The following RXFP1 variants were observed in gnomAD, a reference collection of about 807,000 sequenced individuals.
The protein encoded by RXFP1 is relaxin family peptide receptor 1.
RXFP1 carries 73 observed loss-of-function variants against 89.8 expected under a neutral mutation model. The observed-to-expected ratio is 0.81, with a 90% CI of 0.67 to 0.99. The LOEUF (loss-of-function observed/expected upper bound fraction) is 0.99, where lower values mean the gene tolerates loss of function less well. RXFP1 is among the 50% of genes least tolerant of loss of function. The pLI, the probability that RXFP1 is intolerant of heterozygous loss-of-function variation, is 0.00. For synonymous variants in RXFP1, 277 were observed against 305.5 expected (o/e 0.91, Z 0.97); for missense variants, 793 against 895.5 (o/e 0.89, Z 1.46).
chr4:158,561,442 G>A (rs1300049451), intron 1 of RXFP1, among the ~76,000 whole-genome samples: 1 of 151,822 alleles, frequency 6.6e-6, no homozygotes, highest in Non-Finnish European at 1.5e-5. Context: ...TTACTATCAG[G>A]CCATGTGTAT....
At chr4:158,546,615 G>A (rs868031803) in intron 1 of RXFP1, among the ~76,000 whole-genome samples, 1 of 152,140 alleles carries the variant, frequency 6.6e-6, no homozygotes, top group Admixed American at 6.5e-5. Flanking sequence ...ATTATTTTGA[G>A]ATACATCCCA....
intron 2 of RXFP1, among the ~76,000 whole-genome samples, chr4:158,588,767 T>G (rs1380862814): frequency 6.6e-6 from 1 of 152,234 alleles, no homozygotes; most frequent in Non-Finnish European, 1.5e-5. Flanking sequence ...ACAGGTTCCT[T>G]GCAGTTGTAC....
At chr4:158,531,994 C>T (rs1744166380) in intron 1 of RXFP1, among the ~76,000 whole-genome samples, 1 of 152,096 alleles carries the variant, frequency 6.6e-6, no homozygotes, top group African/African-American at 2.4e-5. Flanking sequence ...ATGGGTATAT[C>T]GTGTGATGCT....
rs375245856 is a variant in RXFP1 at position 158,599,331 on chromosome 4, G to C, written c.292G>C (p.Gly98Arg). 6.2e-7 allele frequency: 1 copy of C among 1,613,684 alleles called. No homozygotes were observed. The highest frequency in any genetic ancestry group is 8.5e-7 in the Non-Finnish European group (1 of 1,179,850). The stretch of plus-strand genomic sequence containing the variant: ...ACCACTTCCCCTTGATTCAGTGGTC[G>C]GTTCTGTGCCAGTGCAATGTCTTTG... ...FEAETPECLV[G>R]SVPVQCLCQG... Residue 98 changes from glycine (G) to arginine (R), a missense_variant, in exon 4 of 18, where the codon GGT becomes CGT. Transcript: ENST00000307765.
At chr4:158,545,521 G>T (rs1253395189) in intron 1 of RXFP1, among the ~76,000 whole-genome samples, 19 of 152,090 alleles carry the variant, frequency 1.2e-4, no homozygotes, top group Non-Finnish European at 2.1e-4. Context: ...TGAAGTCCTT[G>T]CCCATGCCTA....
chr4:158,607,738 A>G (rs1424220077), intron 5 of RXFP1, among the ~76,000 whole-genome samples: 1 of 152,266 alleles, frequency 6.6e-6, no homozygotes, highest in African/African-American at 2.4e-5. Flanking sequence ...ATCTGGCTTC[A>G]CTAAATTATT....
At chr4:158,589,124 A>C (rs1758868027) in intron 2 of RXFP1, among the ~76,000 whole-genome samples, 1 of 152,170 alleles carries the variant, frequency 6.6e-6, no homozygotes, top group African/African-American at 2.4e-5. Context: ...AGTGCCAAAC[A>C]AAGGGAGAAG....
At position 158,607,990 on chromosome 4, in the gene RXFP1, G is replaced by C; in HGVS notation, c.483G>C (p.Lys161Asn). 1 of 1,605,490 alleles carries C rather than the reference G, an allele frequency of 6.2e-7. No homozygotes were observed. The stretch of plus-strand genomic sequence containing the variant: ...TTCACAGGTACCTGCAAAACAATAA[G>C]ATTACATCCATCTCCATCTATGCTT... ...DLQKLYLQNN[K>N]ITSISIYAFR... Residue 161 changes from lysine (K) to asparagine (N), a missense_variant, in exon 6 of 18, where the codon AAG (lysine) becomes AAC (asparagine). Transcript: ENST00000307765.
At chr4:158,644,597 TACGATA>T (rs1365299426) in intron 14 of RXFP1, among the ~76,000 whole-genome samples, 1 of 152,130 alleles carries the variant, frequency 6.6e-6, no homozygotes, top group African/African-American at 2.4e-5. Context: ...CCATTGCGAG[TACGATA>T]ACGGTTTCTC....
chr4:158,651,637 A>G lies in RXFP1; in HGVS notation c.1976-120A>G, dbSNP rs1772749726. 6 of 666,942 alleles carry G rather than the reference A, an allele frequency of 9.0e-6. No individual in the cohort carries two copies. The South Asian group carries it at 9.1e-5, about 10-fold the overall frequency. The allele number at this position is 666,942 out of a possible 1,614,324, so 41.3% of individuals were successfully genotyped here. A position where few individuals can be genotyped will look rare whatever the true frequency, so the allele number is the denominator to read the frequency against. On this transcript the variant is annotated intron_variant, in intron 17 of 17. Coordinates refer to ENST00000307765, the MANE Select transcript of RXFP1 (RefSeq NM_021634.4). ...TATAGACTTGGTATTTAATTATGTG[A>G]CATCAAAGGAAAAAAATCAAAACTC...
rs565168407 is a variant in RXFP1, at chr4:158,600,834, A to G, written c.392+1403A>G. 8.8e-3 allele frequency among the ~76,000 whole-genome samples: 1,335 copies of G among 152,186 alleles called. 15 individuals are homozygous for G. The highest frequency in any genetic ancestry group is 0.03 in the African/African-American group (1,226 of 41,532). ...AAAGTGAGACCCTGCCTCAAAAAAAAAAAAGAATTTATGATTTCATTCTAT... is the reference window on the plus strand; with the variant it reads ...AAAGTGAGACCCTGCCTCAAAAAAAGAAAAGAATTTATGATTTCATTCTAT... On this transcript the variant is annotated intron_variant, in intron 4 of 17. Coordinates refer to ENST00000307765, the MANE Select transcript of RXFP1 (RefSeq NM_021634.4).
intron 2 of RXFP1, among the ~76,000 whole-genome samples, chr4:158,573,636 A>G (rs938802896): frequency 2.6e-5 from 4 of 152,142 alleles, no homozygotes; most frequent in African/African-American, 9.7e-5. Flanking sequence ...CTGCCCAAGT[A>G]AGGTGTTAGA....
Position 158,529,603 on chromosome 4 carries a change from T to C in RXFP1, c.49+7578T>C, listed in dbSNP as rs529890347. The stretch of plus-strand genomic sequence containing the variant: ...TGCTACATGCTTGGGTTTGTCCTCC[T>C]TTGCTTCTTTCCCAGATTGTCTATT... On this transcript the variant is annotated intron_variant, in intron 1 of 17. Transcript: ENST00000307765. Among the ~76,000 whole-genome samples, 3 of 152,242 alleles carry C rather than the reference T, an allele frequency of 2.0e-5. No individual in the cohort carries two copies. In the East Asian group the frequency reaches 5.8e-4, roughly 29 times the overall value.
intron 15 of RXFP1, among the ~76,000 whole-genome samples, chr4:158,645,347 T>C (rs562933536): frequency 1.2e-4 from 19 of 152,346 alleles, no homozygotes; most frequent in African/African-American, 4.3e-4. Flanking sequence ...TTTAATCACC[T>C]TATGCAAATT....
At chr4:158,594,331 C>G (rs1482019919) in intron 3 of RXFP1, among the ~76,000 whole-genome samples, 3 of 152,056 alleles carry the variant, frequency 2.0e-5, no homozygotes, top group Non-Finnish European at 4.4e-5. Context: ...ATAAAACAGC[C>G]GCGTCCTCAG....
chr4:158,572,798 G>C lies in RXFP1; in HGVS notation c.150G>C (p.Val50=). 1 of 1,614,202 alleles carries C rather than the reference G, an allele frequency of 6.2e-7. No homozygotes were observed. The highest frequency in any genetic ancestry group is 8.5e-7 in the Non-Finnish European group (1 of 1,180,042). Residue 50 remains valine, a synonymous_variant, in exon 2 of 18, where the codon GTG becomes GTC. Transcript: ENST00000307765. ...CLPQLLHCNG[V]DDCGNQADED... ...CTCAGCTCCTGCACTGTAACGGTGT[G>C]GACGACTGCGGGAATCAGGCCGATG...
chr4:158,575,190 T>A (rs942428362), intron 2 of RXFP1, among the ~76,000 whole-genome samples: 1 of 152,266 alleles, frequency 6.6e-6, no homozygotes, highest in African/African-American at 2.4e-5. Context: ...GTAGCAATCC[T>A]TACAGTAATA....
chr4:158,647,402 A>G (rs1216120145), intron 16 of RXFP1, among the ~76,000 whole-genome samples: 1 of 152,232 alleles, frequency 6.6e-6, no homozygotes, highest in Non-Finnish European at 1.5e-5. Context: ...CACCCTAAAC[A>G]TGCTAAGCAA....
intron 8 of RXFP1, among the ~76,000 whole-genome samples, chr4:158,613,255 G>C (rs1763906894): frequency 6.6e-6 from 1 of 152,198 alleles, no homozygotes; most frequent in African/African-American, 2.4e-5. Flanking sequence ...AGTAGTGGTT[G>C]CTGAAGCCTG....
Sources: gnomAD v4.1 joint callset for allele counts (sites outside exome capture counted in the v4.1 genomes callset) on GRCh38, gnomAD v4.1.1 for gene constraint, MANE v1.5 for transcripts, NCBI Gene and HGNC (gene_info 2026-07-23, HGNC 2026-07-21) for gene names.